Variants in DPYS observed in about 807,000 individuals in gnomAD.
DPYS encodes dihydropyrimidinase.
DPYS carries 39 observed loss-of-function variants against 50.3 expected under a neutral mutation model. The observed-to-expected ratio is 0.78, with a 90% confidence interval of 0.60 to 1.01. DPYS has a LOEUF of 1.01. Ranked by LOEUF, DPYS falls within the 50% of genes least tolerant of loss-of-function variation. DPYS has a pLI of 0.00. For synonymous variants in DPYS, 245 were observed against 250.7 expected (o/e 0.98, Z 0.22); for missense variants, 659 against 680.9 (o/e 0.97, Z 0.36).
At chr8:104,461,956 A>G (rs1325830379) in intron 1 of DPYS, among the ~76,000 whole-genome samples, 1 of 152,186 alleles carries the variant, frequency 6.6e-6, no homozygotes, top group East Asian at 1.9e-4. Context: ...CCCCCAACAA[A>G]TAAATATCTA....
At chr8:104,462,744 C>T (rs961317366) in intron 1 of DPYS, among the ~76,000 whole-genome samples, 3 of 152,184 alleles carry the variant, frequency 2.0e-5, no homozygotes, top group Non-Finnish European at 2.9e-5. Context: ...AAAGCAAAGT[C>T]ACGATTCTTT....
intron 4 of DPYS, among the ~76,000 whole-genome samples, chr8:104,443,281 C>A (rs2140701186): frequency 6.6e-6 from 1 of 152,114 alleles, no homozygotes; most frequent in Middle Eastern, 3.4e-3. Flanking sequence ...CAGTGCTTAT[C>A]AAAAATAGGA....
At chr8:104,390,146 C>G (rs1297209244) in intron 8 of DPYS, among the ~76,000 whole-genome samples, 1 of 152,200 alleles carries the variant, frequency 6.6e-6, no homozygotes, top group African/African-American at 2.4e-5. Flanking sequence ...GGATCCACTT[C>G]AGGCGTCACA....
intron 8 of DPYS, among the ~76,000 whole-genome samples, chr8:104,387,552 G>GCAGTGATA (rs1410535156): frequency 6.6e-6 from 1 of 152,156 alleles, no homozygotes; most frequent in Admixed American, 6.5e-5. Flanking sequence ...TTAGGATACT[G>GCAGTGATA]CAGTGATACA....
At chr8:104,410,616 A>G (rs1812141996) in intron 7 of DPYS, among the ~76,000 whole-genome samples, 1 of 152,018 alleles carries the variant, frequency 6.6e-6, no homozygotes, top group Non-Finnish European at 1.5e-5. Flanking sequence ...GTACTCTACA[A>G]ATAACACCAT....
At chr8:104,453,786 A>G (rs961262704) in intron 1 of DPYS, among the ~76,000 whole-genome samples, 1 of 152,240 alleles carries the variant, frequency 6.6e-6, no homozygotes, top group Non-Finnish European at 1.5e-5. Flanking sequence ...AAGTAGAAAC[A>G]ATACAAATGT....
chr8:104,401,831 T>C (rs1335756671), intron 7 of DPYS, among the ~76,000 whole-genome samples: 1 of 152,194 alleles, frequency 6.6e-6, no homozygotes, highest in Non-Finnish European at 1.5e-5. Context: ...CTGCTTCAAG[T>C]ACATTGTCAT....
At chr8:104,455,695 C>A (rs1460220632) in intron 1 of DPYS, among the ~76,000 whole-genome samples, 1 of 152,050 alleles carries the variant, frequency 6.6e-6, no homozygotes, top group African/African-American at 2.4e-5. Context: ...GGCCAGGGAG[C>A]GAGAAGCCAG....
chr8:104,402,901 T>C (rs1176600884), intron 7 of DPYS, among the ~76,000 whole-genome samples: 4 of 152,084 alleles, frequency 2.6e-5, no homozygotes, highest in African/African-American at 9.7e-5. Context: ...TAAAGAGAGC[T>C]CACTAAAATG....
At chr8:104,415,022 C>T (rs771887719) in intron 7 of DPYS, among the ~76,000 whole-genome samples, 12 of 152,184 alleles carry the variant, frequency 7.9e-5, no homozygotes, top group South Asian at 2.1e-4. Flanking sequence ...ATGTAAAACA[C>T]GGCTCTTGAA....
intron 7 of DPYS, 114 bp from the exon 8 acceptor site, chr8:104,393,105 T>G: frequency 3.4e-6 from 3 of 879,096 alleles, no homozygotes; most frequent in Non-Finnish European, 5.4e-6. Context: ...TATTAAGTCA[T>G]AGCTTCATCA....
chr8:104,401,779 T>C (rs1437214274), intron 7 of DPYS, among the ~76,000 whole-genome samples: 1 of 152,184 alleles, frequency 6.6e-6, no homozygotes, highest in Non-Finnish European at 1.5e-5. Context: ...GTTATATAAA[T>C]GGGGAGCAAA....
chr8:104,414,775 C>T (rs1812310010), intron 7 of DPYS, among the ~76,000 whole-genome samples: 1 of 152,164 alleles, frequency 6.6e-6, no homozygotes, highest in Admixed American at 6.5e-5. Flanking sequence ...CTGTTTCCTC[C>T]ATAACCGATG....
At chr8:104,427,954 G>A in intron 6 of DPYS, 26 bp downstream of exon 6, 6 of 1,613,620 alleles carry the variant, frequency 3.7e-6, no homozygotes, top group Non-Finnish European at 5.1e-6. Context: ...ACTAGGCAAA[G>A]CAAGGCTGGA....
Position 104,447,386 on chromosome 8 carries a change from G to C in DPYS, c.541C>G (p.Arg181Gly). 6.2e-7 allele frequency: 1 copy of C among 1,613,874 alleles called. No individual in the cohort carries two copies. Among genetic ancestry groups the C allele is most frequent in the Non-Finnish European group, 8.5e-7 (1 of 1,179,996 alleles). Residue 181 changes from arginine to glycine, a missense_variant, in exon 3 of 10, where the codon CGG becomes GGG. Coordinates refer to ENST00000351513, the MANE Select transcript of DPYS (RefSeq NM_001385.3). The stretch of plus-strand genomic sequence containing the variant: ...GCAATTGCTCCAATTTCCTTGCACC[G>C]AGAGAAGGCTTCGTACAGCTCCAGG... ...TDLELYEAFS[R>G]CKEIGAIAQV... is the part of the protein sequence containing the mutation.
chr8:104,400,005 A>C (rs1228295172), intron 7 of DPYS, among the ~76,000 whole-genome samples: 1 of 152,116 alleles, frequency 6.6e-6, no homozygotes, highest in Non-Finnish European at 1.5e-5. Flanking sequence ...GGAATTTAGA[A>C]TATTTTGCAT....
chr8:104,385,956 T>C (rs1331983837), intron 8 of DPYS, among the ~76,000 whole-genome samples: 2 of 152,216 alleles, frequency 1.3e-5, no homozygotes, highest in East Asian at 1.9e-4. Flanking sequence ...TATTCTGTTA[T>C]AGCAGCAAGC....
At chr8:104,450,506 A>G (rs1174129876) in intron 2 of DPYS, among the ~76,000 whole-genome samples, 2 of 152,252 alleles carry the variant, frequency 1.3e-5, no homozygotes, top group Non-Finnish European at 2.9e-5. Context: ...ATTCCAAGTA[A>G]AAGTTTCTTC....
At chr8:104,466,537 C>T in intron 1 of DPYS, 120 bp downstream of exon 1, 2 of 1,182,208 alleles carry the variant, frequency 1.7e-6, no homozygotes, top group Non-Finnish European at 1.1e-6. Flanking sequence ...TCCTTCCCGC[C>T]CACCCAGCTC....
Sources: allele counts gnomAD v4.1 joint callset (sites outside exome capture counted in the v4.1 genomes callset), GRCh38; gene constraint gnomAD v4.1.1; transcripts MANE v1.5; gene names NCBI Gene and HGNC (gene_info 2026-07-23, HGNC 2026-07-21).